ZNF804A: variants seen among roughly 807,000 people sequenced by gnomAD.
ZNF804A encodes zinc finger protein 804A.
Under a neutral mutation model 16.5 loss-of-function variants are expected in ZNF804A, and 2 were observed. The observed-to-expected ratio is 0.12, with a 90% confidence interval of 0.05 to 0.38. ZNF804A has a LOEUF of 0.38. Ranked by LOEUF, ZNF804A falls within the 10% of genes least tolerant of loss-of-function variation. The pLI is 0.99. For missense variants in ZNF804A, 1,473 were observed against 1,390.7 expected (o/e 1.06, Z -0.94); for synonymous variants, 534 against 489.6 (o/e 1.09, Z -1.20).
At chr2:184,775,838 T>A (rs557504874) in intron 1 of ZNF804A, among the ~76,000 whole-genome samples, 1 of 151,708 alleles carries the variant, frequency 6.6e-6, no homozygotes, top group African/African-American at 2.4e-5. Context: ...CAGCACTAGA[T>A]GTTTGGATAT....
At chr2:184,775,176 TTTTAAGATCTTAGGAGTG>T (rs1255754404) in intron 1 of ZNF804A, among the ~76,000 whole-genome samples, 1 of 151,736 alleles carries the variant, frequency 6.6e-6, no homozygotes, top group African/African-American at 2.4e-5. Context: ...TTAAAATTAG[TTTTAAGATCTTAGGAGTG>T]TTATGTATTT....
intron 1 of ZNF804A, among the ~76,000 whole-genome samples, chr2:184,747,180 G>T (rs1465027889): frequency 6.6e-6 from 1 of 150,848 alleles, no homozygotes; most frequent in East Asian, 1.9e-4. Context: ...AACCTTTTCT[G>T]CTTTAGCCTC....
rs571882564 is a variant in ZNF804A, at chr2:184,780,312, A to T, written c.112-86057A>T. Among the ~76,000 whole-genome samples, 25 of 151,962 alleles carry T rather than the reference A, an allele frequency of 1.6e-4. No individual in the cohort carries two copies. In the South Asian group the frequency reaches 3.7e-3, roughly 23 times the overall value. On this transcript the variant is annotated intron_variant, in intron 1 of 3. Coordinates refer to ENST00000302277, the MANE Select transcript of ZNF804A (RefSeq NM_194250.2). ...CGGAGAAGGGTGAGGCTAAATCACC[A>T]CTGGAAGGGTTTAATTCTTAGTGAA...
intron 1 of ZNF804A, among the ~76,000 whole-genome samples, chr2:184,623,132 G>A (rs552706713): frequency 3.6e-4 from 55 of 152,066 alleles, no homozygotes; most frequent in African/African-American, 1.2e-3. Flanking sequence ...ATTATCAGCC[G>A]TTCCTTAATT....
intron 1 of ZNF804A, among the ~76,000 whole-genome samples, chr2:184,744,242 T>G (rs1443027826): frequency 6.6e-6 from 1 of 151,928 alleles, no homozygotes; most frequent in Non-Finnish European, 1.5e-5. Context: ...CATAGATTAT[T>G]ACAAGGATCA....
At position 184,870,972 on chromosome 2, in the gene ZNF804A, A is replaced by G. The variant is rs537025979; in HGVS notation, c.255+4460A>G. Reference sequence around the variant, plus strand: ...GCATAAAACCATTTAATGTTGATATAGTTTGGATTTACATTGTTTTTCCAT... The same window carrying G: ...GCATAAAACCATTTAATGTTGATATGGTTTGGATTTACATTGTTTTTCCAT... On this transcript the variant is annotated intron_variant, in intron 2 of 3. Coordinates refer to ENST00000302277, the MANE Select transcript of ZNF804A (RefSeq NM_194250.2). Among the ~76,000 whole-genome samples the G allele has an allele frequency of 7.9e-5, 12 of 151,834 alleles. No homozygotes were observed. In the South Asian group the frequency reaches 1.9e-3, roughly 24 times the overall value.
chr2:184,738,303 T>C (rs1693663554), intron 1 of ZNF804A, among the ~76,000 whole-genome samples: 1 of 152,086 alleles, frequency 6.6e-6, no homozygotes. Context: ...AGTACATGTG[T>C]AAGCATTTAA....
At chr2:184,884,158 G>A (rs1291744718) in intron 2 of ZNF804A, among the ~76,000 whole-genome samples, 2 of 151,848 alleles carry the variant, frequency 1.3e-5, no homozygotes, top group African/African-American at 2.4e-5. Flanking sequence ...CTATACATCA[G>A]CATACAAGCT....
At chr2:184,700,286 C>T (rs142768701) in intron 1 of ZNF804A, among the ~76,000 whole-genome samples, 1 of 152,020 alleles carries the variant, frequency 6.6e-6, no homozygotes, top group Non-Finnish European at 1.5e-5. Flanking sequence ...ATAAATTTAA[C>T]TAAATAGATT....
chr2:184,918,173 A>G (rs531943717), intron 2 of ZNF804A, among the ~76,000 whole-genome samples: 1 of 152,180 alleles, frequency 6.6e-6, no homozygotes, highest in African/African-American at 2.4e-5. Flanking sequence ...CCCCTTGGTA[A>G]TCAAAATCAA....
chr2:184,779,103 C>G (rs945599292), intron 1 of ZNF804A, among the ~76,000 whole-genome samples: 2 of 151,600 alleles, frequency 1.3e-5, no homozygotes, highest in Non-Finnish European at 2.9e-5. Flanking sequence ...AGACATTTTT[C>G]CCCTTTCTTC....
chr2:184,673,184 G>T (rs2105713860), intron 1 of ZNF804A, among the ~76,000 whole-genome samples: 1 of 152,234 alleles, frequency 6.6e-6, no homozygotes, highest in South Asian at 2.1e-4. Flanking sequence ...AAGGAAAGGG[G>T]AAAAGCCAGA....
chr2:184,883,471 C>A (rs988760650), intron 2 of ZNF804A, among the ~76,000 whole-genome samples: 3 of 151,754 alleles, frequency 2.0e-5, no homozygotes, highest in African/African-American at 7.3e-5. Context: ...GACACACACA[C>A]AAAAAAGAAA....
At chr2:184,851,757 C>T (rs901326629) in intron 1 of ZNF804A, among the ~76,000 whole-genome samples, 1 of 151,796 alleles carries the variant, frequency 6.6e-6, no homozygotes, top group African/African-American at 2.4e-5. Flanking sequence ...TTTGAGGAAT[C>T]TCCATATTGT....
At chr2:184,807,683 G>C (rs2105785296) in intron 1 of ZNF804A, among the ~76,000 whole-genome samples, 1 of 151,882 alleles carries the variant, frequency 6.6e-6, no homozygotes, top group Admixed American at 6.6e-5. Context: ...AAGTCCCATA[G>C]AGTCTTTTTT....
intron 1 of ZNF804A, among the ~76,000 whole-genome samples, chr2:184,662,357 G>A (rs1692187693): frequency 6.6e-6 from 1 of 152,120 alleles, no homozygotes. Flanking sequence ...GGAACTGTCA[G>A]GAAGCGTCAG....
intron 1 of ZNF804A, among the ~76,000 whole-genome samples, chr2:184,606,217 T>C (rs1691141973): frequency 6.6e-6 from 1 of 152,176 alleles, no homozygotes; most frequent in African/African-American, 2.4e-5. Flanking sequence ...AGGTAATTTA[T>C]AAAGGAAAGA....
chr2:184,796,752 G>T (rs938488518), intron 1 of ZNF804A, among the ~76,000 whole-genome samples: 2 of 151,966 alleles, frequency 1.3e-5, no homozygotes, highest in Non-Finnish European at 2.9e-5. Context: ...TCTTTTTGAT[G>T]TAGGCATTTA....
Position 184,936,788 on chromosome 2 carries a change from C to T in ZNF804A, c.1392C>T (p.Phe464=). 1 of 1,613,690 alleles carries T rather than the reference C, an allele frequency of 6.2e-7. No individual in the cohort carries two copies. Among genetic ancestry groups the T allele is most frequent in the East Asian group, 2.2e-5 (1 of 44,852 alleles). ...SYSCNPLCFD[F]KSTKVNNNLD... is the part of the protein sequence containing the mutation. ...GCTGTAATCCTCTATGTTTTGACTT[C>T]AAGTCTACTAAAGTAAATAATAATC... The change falls in exon 4 of 4, where the codon TTC becomes TTT. Residue 464 remains phenylalanine, a synonymous_variant. Transcript: ENST00000302277.
Sources: allele counts gnomAD v4.1 joint callset (sites outside exome capture counted in the v4.1 genomes callset), GRCh38; gene constraint gnomAD v4.1.1; transcripts MANE v1.5; gene names NCBI Gene and HGNC (gene_info 2026-07-23, HGNC 2026-07-21).